PPM1L: variants seen among roughly 807,000 people sequenced by gnomAD.
PPM1L encodes the protein protein phosphatase 1L.
Under a neutral mutation model 31.4 loss-of-function variants are expected in PPM1L, and 13 were observed. That is an observed-to-expected ratio of 0.41 (90% confidence interval 0.27 to 0.66). The LOEUF (loss-of-function observed/expected upper bound fraction) is 0.66, where lower values mean the gene tolerates loss of function less well. Among genes scored for constraint, PPM1L ranks in the 30% least tolerant of loss-of-function variants. The pLI is 0.29. For missense variants in PPM1L, 326 were observed against 453.7 expected, an observed-to-expected ratio of 0.72 and a Z score of 2.56; for synonymous variants, 184 against 175.4, an observed-to-expected ratio of 1.05 and a Z score of -0.39.
intron 1 of PPM1L, among the ~76,000 whole-genome samples, chr3:160,909,361 A>C (rs897790134): frequency 3.3e-5 from 5 of 152,160 alleles, no homozygotes; most frequent in African/African-American, 1.2e-4. Flanking sequence ...GTTTGGAGTA[A>C]TTGGTAGAAG....
chr3:160,796,758 G>A (rs979074629), intron 1 of PPM1L, among the ~76,000 whole-genome samples: 4 of 152,162 alleles, frequency 2.6e-5, no homozygotes, highest in Non-Finnish European at 5.9e-5. Flanking sequence ...ATAAATTGGT[G>A]TGAAACGCCT....
intron 1 of PPM1L, among the ~76,000 whole-genome samples, chr3:160,954,902 T>G (rs1219464384): frequency 4.1e-5 from 5 of 121,998 alleles, no homozygotes; most frequent in Non-Finnish European, 8.4e-5. Context: ...CTTTCTTCCT[T>G]CCTTCCTTCC....
chr3:160,857,160 G>A lies in PPM1L; in HGVS notation c.399+100453G>A, dbSNP rs1045184677. ...TGCCTTTTGTTTCCAGGAAAAATAC[G>A]GAAATTTTTTTTGCTTCCAAAAGGT... On this transcript the variant is annotated intron_variant, in intron 1 of 3. Transcript: ENST00000498165. 6.6e-5 allele frequency among the ~76,000 whole-genome samples: 10 copies of A among 152,198 alleles called. 1 individual carries two copies. The highest frequency in any genetic ancestry group is 8.8e-5 in the Non-Finnish European group (6 of 67,994).
At chr3:160,812,817 A>C (rs1333511078) in intron 1 of PPM1L, among the ~76,000 whole-genome samples, 1 of 152,170 alleles carries the variant, frequency 6.6e-6, no homozygotes, top group Non-Finnish European at 1.5e-5. Flanking sequence ...GCACATGCTA[A>C]ATTAGGGTTC....
intron 1 of PPM1L, among the ~76,000 whole-genome samples, chr3:160,787,294 A>G (rs1711963423): frequency 6.6e-6 from 1 of 152,174 alleles, no homozygotes; most frequent in Non-Finnish European, 1.5e-5. Context: ...AATAATCACC[A>G]TTCTGACTGG....
chr3:160,827,490 T>A (rs1361594879), intron 1 of PPM1L, among the ~76,000 whole-genome samples: 1 of 151,668 alleles, frequency 6.6e-6, no homozygotes, highest in Non-Finnish European at 1.5e-5. Context: ...TGTGTATGTA[T>A]GTGTGTGTTT....
intron 1 of PPM1L, chr3:160,882,448 TTTTAC>T (rs772234692): frequency 6.6e-6 from 1 of 152,210 alleles, no homozygotes; most frequent in African/African-American, 2.4e-5. Context: ...AAAGCAGAAC[TTTTAC>T]TTTATTTTAG....
chr3:161,012,088 C>A (rs1464764484), intron 2 of PPM1L, among the ~76,000 whole-genome samples: 1 of 152,174 alleles, frequency 6.6e-6, no homozygotes, highest in African/African-American at 2.4e-5. Flanking sequence ...GCATCTCTGT[C>A]TTCTGCCCGT....
intron 1 of PPM1L, among the ~76,000 whole-genome samples, chr3:160,836,182 A>G (rs1202972195): frequency 6.6e-6 from 1 of 152,204 alleles, no homozygotes; most frequent in Non-Finnish European, 1.5e-5. Flanking sequence ...ATTTTTAAGA[A>G]GTAGGAAGCT....
At chr3:161,020,182 A>C (rs1718202241) in intron 2 of PPM1L, among the ~76,000 whole-genome samples, 1 of 152,076 alleles carries the variant, frequency 6.6e-6, no homozygotes, top group Non-Finnish European at 1.5e-5. Context: ...CTCCTAACTC[A>C]ATTTTATACT....
At chr3:161,032,866 A>ATTTTTT (rs61145165) in intron 2 of PPM1L, among the ~76,000 whole-genome samples, 10 of 107,360 alleles carry the variant, frequency 9.3e-5, no homozygotes, top group East Asian at 2.7e-4. Context: ...CTAATTTTGT[A>ATTTTTT]TTTTTTTTTT....
At chr3:160,759,519 T>A (rs1714912159) in intron 1 of PPM1L, among the ~76,000 whole-genome samples, 1 of 152,178 alleles carries the variant, frequency 6.6e-6, no homozygotes, top group Non-Finnish European at 1.5e-5. Context: ...TTGATCTCTA[T>A]ATGAAACCAC....
At chr3:160,963,513 C>A (rs1354717808) in intron 2 of PPM1L, among the ~76,000 whole-genome samples, 1 of 152,042 alleles carries the variant, frequency 6.6e-6, no homozygotes, top group Non-Finnish European at 1.5e-5. Flanking sequence ...TAAATACACC[C>A]TGTAATATCT....
At chr3:160,944,012 G>C (rs938373353) in intron 1 of PPM1L, among the ~76,000 whole-genome samples, 1 of 152,022 alleles carries the variant, frequency 6.6e-6, no homozygotes, top group African/African-American at 2.4e-5. Context: ...ATGACATCTG[G>C]AACTTGCTTG....
At chr3:160,852,688 CTG>C (rs903794347) in intron 1 of PPM1L, among the ~76,000 whole-genome samples, 104 of 152,294 alleles carry the variant, frequency 6.8e-4, no homozygotes, top group African/African-American at 2.3e-3. Flanking sequence ...TTTTCAATGA[CTG>C]TACAATCAGC....
intron 2 of PPM1L, among the ~76,000 whole-genome samples, chr3:160,978,533 T>A (rs868650675): frequency 6.6e-6 from 1 of 152,036 alleles, no homozygotes; most frequent in Non-Finnish European, 1.5e-5. Flanking sequence ...ATAACAACCA[T>A]CTATAAAAGC....
At chr3:160,847,260 T>C (rs964602199) in intron 1 of PPM1L, among the ~76,000 whole-genome samples, 2 of 152,222 alleles carry the variant, frequency 1.3e-5, no homozygotes, top group African/African-American at 4.8e-5. Flanking sequence ...AAACATGGCA[T>C]ATCTTCTTGT....
intron 1 of PPM1L, among the ~76,000 whole-genome samples, chr3:160,889,234 T>A (rs1407193877): frequency 6.6e-6 from 1 of 151,814 alleles, no homozygotes; most frequent in African/African-American, 2.4e-5. Context: ...TTTGAAAAAA[T>A]TAATAAAATA....
chr3:160,909,703 A>T (rs1432751094), intron 1 of PPM1L, among the ~76,000 whole-genome samples: 1 of 152,260 alleles, frequency 6.6e-6, no homozygotes, highest in South Asian at 2.1e-4. Context: ...AGAAGAAGAA[A>T]TCAAAGAACT....
Sources: gnomAD v4.1 joint callset for allele counts (sites outside exome capture counted in the v4.1 genomes callset) on GRCh38, gnomAD v4.1.1 for gene constraint, MANE v1.5 for transcripts, NCBI Gene and HGNC (gene_info 2026-07-23, HGNC 2026-07-21) for gene names.